Variants in DPP3 observed in about 807,000 individuals in gnomAD.
DPP3 encodes DPP III.
DPP3 carries 64 observed loss-of-function variants against 89.8 expected under a neutral mutation model. That is an observed-to-expected ratio of 0.71 (90% CI 0.58 to 0.88). The LOEUF is 0.88. Ranked by LOEUF, DPP3 falls within the 40% of genes least tolerant of loss-of-function variation. DPP3 has a pLI of 0.00. For synonymous variants in DPP3, 377 were observed against 404.3 expected, an observed-to-expected ratio of 0.93 and a Z score of 0.81; for missense variants, 835 against 972.5, an observed-to-expected ratio of 0.86 and a Z score of 1.88.
rs759070168 is a variant in DPP3, at chr11:66,509,347, CAGG to C, written c.*99_*101del. 13 of 1,545,922 alleles carry C rather than the reference CAGG, an allele frequency of 8.4e-6. No individual in the cohort carries two copies. In the East Asian group the frequency reaches 3.2e-4, roughly 38 times the overall value. ...TTTAGGGGCTGGGGAGGGGGAGGGG[CAGG>C]AGCTTGGACCTTGGTACTACCTCAG... On this transcript the variant is annotated 3_prime_UTR_variant, in exon 18 of 18. Transcript: ENST00000531863.
chr11:66,480,550 C>T, intron 1 of DPP3, 85 bp downstream of exon 1: 2 of 1,391,838 alleles, frequency 1.4e-6, no homozygotes, highest in East Asian at 3.1e-5. Context: ...CAAAATCGTT[C>T]CCTTTCTGCC....
chr11:66,489,547 C>T (rs1205888925), intron 6 of DPP3, among the ~76,000 whole-genome samples: 1 of 152,198 alleles, frequency 6.6e-6, no homozygotes, highest in Admixed American at 6.5e-5. Context: ...CAGTTTCGGG[C>T]AGTGGTTGAA....
intron 6 of DPP3, among the ~76,000 whole-genome samples, chr11:66,488,928 C>T (rs376943125): frequency 2.0e-5 from 3 of 152,116 alleles, no homozygotes; most frequent in East Asian, 1.9e-4. Context: ...TGCAGTGGTG[C>T]GACCTTGGTT....
At chr11:66,492,354 C>T (rs541646050) in intron 9 of DPP3, 1 of 206,624 alleles carries the variant, frequency 4.8e-6, no homozygotes, top group African/African-American at 2.3e-5. Flanking sequence ...AGCCACTTCT[C>T]TGACTGCCCT....
chr11:66,483,980 C>CTT (rs148812168), intron 2 of DPP3, among the ~76,000 whole-genome samples: 16 of 146,550 alleles, frequency 1.1e-4, no homozygotes, highest in Non-Finnish European at 1.1e-4. Context: ...CAGGGAAATT[C>CTT]TTTTTTTTTT....
At chr11:66,487,375 G>A in intron 5 of DPP3, 33 bp downstream of exon 5, 1 of 1,604,554 alleles carries the variant, frequency 6.2e-7, no homozygotes, top group Admixed American at 1.7e-5. Context: ...GGTAGCAGAG[G>A]TTTGGTGGGG....
intron 6 of DPP3, among the ~76,000 whole-genome samples, chr11:66,491,016 G>A (rs1193171005): frequency 2.6e-5 from 4 of 152,056 alleles, no homozygotes; most frequent in African/African-American, 4.8e-5. Flanking sequence ...CGATCTGCCC[G>A]TCTCAGCCTC....
intron 2 of DPP3, 129 bp downstream of exon 2, chr11:66,482,599 C>T: frequency 7.5e-7 from 1 of 1,342,144 alleles, no homozygotes; most frequent in Non-Finnish European, 1.0e-6. Context: ...CAGGCACTTC[C>T]CCTCTCTGGA....
chr11:66,509,459 G>C lies in DPP3; in HGVS notation c.*208G>C. 2.0e-6 allele frequency: 3 copies of C among 1,485,810 alleles called. No homozygotes were observed. Among genetic ancestry groups the C allele is most frequent in the Non-Finnish European group, 2.7e-6 (3 of 1,101,450 alleles). 92.0% of individuals were successfully genotyped at this position (1,485,810 alleles called of 1,614,324 possible). On this transcript the variant is annotated 3_prime_UTR_variant, in exon 18 of 18. Coordinates refer to ENST00000531863, the MANE Select transcript of DPP3 (RefSeq NM_130443.4). ...TCCCCTCTGTGATCTCATTTCATCT[G>C]CACTGCCATACGTGGAGTGAGCAAG...
At position 66,495,748 on chromosome 11, in the gene DPP3, C is replaced by G. The variant is rs1280912451; in HGVS notation, c.1696C>G (p.Gln566Glu). 1 of 1,605,506 alleles carries G rather than the reference C, an allele frequency of 6.2e-7. No individual in the cohort carries two copies. Among genetic ancestry groups the G allele is most frequent in the African/African-American group, 1.3e-5 (1 of 74,870 alleles). Residue 566 changes from glutamine to glutamate, a missense_variant and splice_region_variant, in exon 15 of 18, where the codon CAG becomes GAG. Physicochemically the swap from Gln to Glu is conservative, Grantham distance 29 (BLOSUM62 2). Coordinates refer to ENST00000531863, the MANE Select transcript of DPP3 (RefSeq NM_130443.4). Reference protein sequence around the residue: ...FYTPEAFNWRQAHMQARFVIL... With the variant: ...FYTPEAFNWREAHMQARFVIL... Reference sequence around the variant, plus strand: ...CACACCTGAGGCCTTCAACTGGCGACAGGTAGGGCCTAGGTGGAGCCCCCT... The same window carrying G: ...CACACCTGAGGCCTTCAACTGGCGAGAGGTAGGGCCTAGGTGGAGCCCCCT...
At chr11:66,487,814 G>A (rs1855272351) in intron 5 of DPP3, 100 bp from the exon 6 acceptor site, 2 of 1,080,966 alleles carry the variant, frequency 1.9e-6, no homozygotes, top group East Asian at 2.5e-5. Flanking sequence ...AGCCTGCTTT[G>A]CCTCCATGCC....
At chr11:66,483,483 A>G (rs80060068) in intron 2 of DPP3, among the ~76,000 whole-genome samples, 3,018 of 152,226 alleles carry the variant, frequency 0.02, 108 homozygotes, top group African/African-American at 0.069. Context: ...GTCTTGAAGA[A>G]CTTGGAGAAT....
intron 6 of DPP3, among the ~76,000 whole-genome samples, chr11:66,489,855 A>G (rs771003706): frequency 2.0e-5 from 3 of 152,090 alleles, no homozygotes; most frequent in Non-Finnish European, 2.9e-5. Context: ...GCACCCTCCT[A>G]TTGTTCGTGG....
intron 16 of DPP3, among the ~76,000 whole-genome samples, chr11:66,498,315 G>A (rs1213430198): frequency 6.6e-5 from 10 of 152,098 alleles, no homozygotes; most frequent in Admixed American, 2.0e-4. Flanking sequence ...GGATGGTCTC[G>A]ATCTCCTGAC....
intron 16 of DPP3, among the ~76,000 whole-genome samples, chr11:66,504,150 G>A (rs955978212): frequency 2.0e-5 from 3 of 151,664 alleles, no homozygotes; most frequent in Non-Finnish European, 2.9e-5. Flanking sequence ...TTTTAGAGAC[G>A]AGACGGGGTC....
intron 15 of DPP3, among the ~76,000 whole-genome samples, chr11:66,496,963 G>A (rs564683746): frequency 2.6e-5 from 4 of 152,290 alleles, no homozygotes; most frequent in South Asian, 2.1e-4. Flanking sequence ...GACCCTGGAG[G>A]GGGTAGCTGC....
rs575752647 is a variant in DPP3, at chr11:66,482,393, C to T, written c.193C>T (p.Arg65Cys). The T allele has an allele frequency of 3.8e-5, 62 of 1,611,346 alleles. No individual in the cohort carries two copies. In the East Asian group the frequency reaches 9.8e-4, roughly 25 times the overall value. Reference sequence around the variant, plus strand: ...CCCCTACATCTATGCTCTGCTCAGCCGCCTCTTCCGCGCCCAGGACCCCGA... The same window carrying T: ...CCCCTACATCTATGCTCTGCTCAGCTGCCTCTTCCGCGCCCAGGACCCCGA... Reference protein sequence around the residue: ...EAPYIYALLSRLFRAQDPDQL... With the variant: ...EAPYIYALLSCLFRAQDPDQL... The change falls in exon 2 of 18, where the codon CGC becomes TGC. Residue 65 changes from arginine (R) to cysteine (C), a missense_variant. Arg to Cys is a radical substitution (Grantham distance 180). Transcript: ENST00000531863.
intron 9 of DPP3, chr11:66,492,292 C>A (rs931299100): frequency 2.7e-5 from 5 of 183,428 alleles, no homozygotes; most frequent in Non-Finnish European, 5.6e-5. Flanking sequence ...GCCCCCACCC[C>A]CTTCCCCAGG....
At chr11:66,484,678 C>T (rs1691637753) in intron 2 of DPP3, among the ~76,000 whole-genome samples, 1 of 150,538 alleles carries the variant, frequency 6.6e-6, no homozygotes, top group African/African-American at 2.5e-5. Flanking sequence ...CCCACCCTCC[C>T]ACCCACAAAA....
Sources: allele counts gnomAD v4.1 joint callset (sites outside exome capture counted in the v4.1 genomes callset), GRCh38; gene constraint gnomAD v4.1.1; transcripts MANE v1.5; gene names NCBI Gene and HGNC (gene_info 2026-07-23, HGNC 2026-07-21).